SMARCA2: variants seen among roughly 807,000 people sequenced by gnomAD.
The protein encoded by SMARCA2 is SWI/SNF related BAF chromatin remodeling complex subunit ATPase 2.
Under a neutral mutation model 199.8 loss-of-function variants are expected in SMARCA2, and 61 were observed. The observed-to-expected ratio is 0.31, with a 90% CI of 0.25 to 0.38. The LOEUF is 0.38. SMARCA2 is among the 10% of genes least tolerant of loss of function. The pLI is 1.00. For missense variants in SMARCA2, 1,344 were observed against 2,012.2 expected (o/e 0.67, Z 6.35); for synonymous variants, 935 against 732.0 (o/e 1.28, Z -4.48).
chr9:2,192,161 A>T (rs535196678), intron 33 of SMARCA2: 1 of 175,110 alleles, frequency 5.7e-6, no homozygotes, highest in African/African-American at 2.4e-5. Flanking sequence ...GCCTTTTGAA[A>T]TACCCTTCAT....
chr9:2,160,203 A>C (rs1825590142), intron 27 of SMARCA2: 2 of 402,158 alleles, frequency 5.0e-6, no homozygotes, highest in South Asian at 5.2e-5. Flanking sequence ...TAATGCAATA[A>C]TGTGAAGCTT....
Position 2,039,897 on chromosome 9 carries a change from T to G in SMARCA2, c.787T>G (p.Ser263Ala). 6.2e-7 allele frequency: 1 copy of G among 1,613,570 alleles called. No individual in the cohort carries two copies. Among genetic ancestry groups the G allele is most frequent in the Non-Finnish European group, 8.5e-7 (1 of 1,179,922 alleles). Residue 263 changes from serine (S) to alanine (A), a missense_variant, in exon 4 of 34, where the codon TCT becomes GCT. This residue lies in a region of SMARCA2 where 117 missense variants were observed against 99.1 expected (regional missense o/e 1.18). Coordinates refer to ENST00000349721, the MANE Select transcript of SMARCA2 (RefSeq NM_003070.5). This position sits in a 1 kb window ranked among gnomAD's most constrained non-coding sequence, Gnocchi z 4.8. The stretch of plus-strand genomic sequence containing the variant: ...GGCCCTTGTTAACTACAACAGACCA[T>G]CTGGTAGGTTAATACGCAACCAAAT... ...QPALVNYNRPSGPGPELSGPS... is the reference protein window; with the variant it reads ...QPALVNYNRPAGPGPELSGPS...
Position 2,170,446 on chromosome 9 carries a change from T to A in SMARCA2, c.4227T>A (p.Asn1409Lys). Residue 1409 changes from asparagine to lysine, a missense_variant, in exon 29 of 34, where the codon AAT becomes AAA. Transcript: ENST00000349721. This position sits in a 1 kb window ranked among gnomAD's most constrained non-coding sequence, Gnocchi z 4.7. ...GTAACGTGGAGAAGGTGCCCAGTAA[T>A]TCTCAGTTGGAAATAGAAGGAAACA... ...DRCNVEKVPS[N>K]SQLEIEGNSS... The A allele has an allele frequency of 4.3e-6, 7 of 1,614,072 alleles. No individual in the cohort carries two copies. The highest frequency in any genetic ancestry group is 2.7e-5 in the African/African-American group (2 of 75,020).
rs556658050 is a variant in SMARCA2, at chr9:2,074,604, T to C, written c.1935+981T>C. Among the ~76,000 whole-genome samples the C allele has an allele frequency of 1.8e-4, 28 of 152,348 alleles. No homozygotes were observed. In the South Asian group the frequency reaches 5.6e-3, roughly 30 times the overall value. ...AAACATGGTTGGGCATGGTGACTCA[T>C]GCCTATAATCCCAGCATTTTGGGAA... On this transcript the variant is annotated intron_variant, in intron 12 of 33. Transcript: ENST00000349721.
intron 31 of SMARCA2, among the ~76,000 whole-genome samples, chr9:2,184,882 T>A (rs1023064775): frequency 1.3e-5 from 2 of 152,152 alleles, no homozygotes. Flanking sequence ...CTTTGTTCTG[T>A]CATACTCATA....
At chr9:2,122,530 A>G (rs748706715) in intron 26 of SMARCA2, among the ~76,000 whole-genome samples, 17 of 152,332 alleles carry the variant, frequency 1.1e-4, no homozygotes, top group Non-Finnish European at 2.2e-4. Flanking sequence ...GGCCACATTT[A>G]TCAACCAATG....
In SMARCA2 at chr9:2,170,154, G is replaced by C. The variant is rs1826167985; in HGVS notation, c.4200-265G>C. ...GGAACAGTGAATGGAACATGTAAGA[G>C]GGAACAGGGTAACAGGAATTTCTGT... On this transcript the variant is annotated intron_variant, in intron 28 of 33. Coordinates refer to ENST00000349721, the MANE Select transcript of SMARCA2 (RefSeq NM_003070.5). The surrounding 1 kb of genome is among the most constrained non-coding windows in gnomAD (Gnocchi z 4.7). Among the ~76,000 whole-genome samples, 1 of 152,192 alleles carries C rather than the reference G, an allele frequency of 6.6e-6. No individual in the cohort carries two copies. Among genetic ancestry groups the C allele is most frequent in the African/African-American group, 2.4e-5 (1 of 41,454 alleles).
intron 9 of SMARCA2, among the ~76,000 whole-genome samples, chr9:2,065,121 G>C (rs1361008055): frequency 6.6e-6 from 1 of 152,092 alleles, no homozygotes; most frequent in Non-Finnish European, 1.5e-5. Flanking sequence ...GGAGGCAGAG[G>C]TTGCAGTGAG....
chr9:2,034,823 A>C (rs928501791), intron 3 of SMARCA2, among the ~76,000 whole-genome samples: 2 of 152,170 alleles, frequency 1.3e-5, no homozygotes, highest in South Asian at 2.1e-4. Context: ...GGCAGGCATA[A>C]TTGTTGCAGA....
chr9:2,143,086 T>C (rs909329783), intron 27 of SMARCA2, among the ~76,000 whole-genome samples: 2 of 152,180 alleles, frequency 1.3e-5, no homozygotes, highest in African/African-American at 4.8e-5. Flanking sequence ...GTACCTGTAA[T>C]GTATTGTGCT....
intron 26 of SMARCA2, among the ~76,000 whole-genome samples, chr9:2,121,723 T>A (rs1234832759): frequency 6.6e-6 from 1 of 152,208 alleles, no homozygotes; most frequent in African/African-American, 2.4e-5. Flanking sequence ...TAACGTCTTT[T>A]AAAAAAAGCA....
At chr9:2,111,291 C>T (rs1013487572) in intron 24 of SMARCA2, among the ~76,000 whole-genome samples, 1 of 151,708 alleles carries the variant, frequency 6.6e-6, no homozygotes, top group Middle Eastern at 3.4e-3. Context: ...AATTTGAGAC[C>T]AGCCTGGGCA....
intron 14 of SMARCA2, 55 bp downstream of exon 14, chr9:2,077,831 G>T: frequency 2.6e-6 from 4 of 1,514,272 alleles, no homozygotes; most frequent in East Asian, 2.4e-5. Flanking sequence ...ACCTAATTTT[G>T]ATTGAAGTAT....
chr9:2,018,841 CA>C (rs1257458179), intron 1 of SMARCA2, among the ~76,000 whole-genome samples: 3 of 152,184 alleles, frequency 2.0e-5, no homozygotes, highest in African/African-American at 7.2e-5. Context: ...CATCTGTTAT[CA>C]GGGGGGCCAC....
At chr9:2,034,923 C>T (rs563012493) in intron 3 of SMARCA2, among the ~76,000 whole-genome samples, 36 of 152,122 alleles carry the variant, frequency 2.4e-4, no homozygotes, top group South Asian at 2.3e-3. Flanking sequence ...GACTCATTCA[C>T]GGTTATGAAT....
rs572154692 is a variant in SMARCA2, at chr9:2,041,378, T to C, written c.790+1478T>C. On this transcript the variant is annotated intron_variant, in intron 4 of 33. Coordinates refer to ENST00000349721, the MANE Select transcript of SMARCA2 (RefSeq NM_003070.5). Reference sequence around the variant, plus strand: ...CCTCAAAACACCAGCAGATTCAGTGTCTGGTGAGGGCCTGCTTCCTGATTC... The same window carrying C: ...CCTCAAAACACCAGCAGATTCAGTGCCTGGTGAGGGCCTGCTTCCTGATTC... 2.3e-5 allele frequency: 9 copies of C among 398,650 alleles called. No individual in the cohort carries two copies. The South Asian group carries it at 1.0e-3, about 45-fold the overall frequency. The allele number at this position is 398,650 out of a possible 1,614,324, so 24.7% of individuals were successfully genotyped here.
intron 5 of SMARCA2, among the ~76,000 whole-genome samples, chr9:2,053,384 C>A (rs1820211926): frequency 6.6e-6 from 1 of 152,098 alleles, no homozygotes; most frequent in Admixed American, 6.6e-5. Context: ...CAGGAAGGTT[C>A]TCGGAAAGTG....
At chr9:2,059,652 CTCTT>C (rs1473743310) in intron 8 of SMARCA2, among the ~76,000 whole-genome samples, 1 of 152,150 alleles carries the variant, frequency 6.6e-6, no homozygotes, top group East Asian at 1.9e-4. Context: ...TTTTTTATCA[CTCTT>C]TCTTCAAGTG....
chr9:2,189,161 G>C (rs1037471228), intron 32 of SMARCA2, among the ~76,000 whole-genome samples: 1 of 152,170 alleles, frequency 6.6e-6, no homozygotes, highest in Admixed American at 6.5e-5. Context: ...GAGGTTCTTG[G>C]ATTAGGATAT....
Sources: allele counts gnomAD v4.1 joint callset (sites outside exome capture counted in the v4.1 genomes callset), GRCh38; gene constraint gnomAD v4.1.1; regional missense constraint gnomAD v4.1.1; non-coding constraint Gnocchi (gnomAD v3.1); transcripts MANE v1.5; gene names NCBI Gene and HGNC (gene_info 2026-07-23, HGNC 2026-07-21).